Variants in CPSF7 observed in about 807,000 individuals in gnomAD.
The protein encoded by CPSF7 is cleavage and polyadenylation specific factor 7.
A neutral mutation model predicts 44.3 loss-of-function variants in CPSF7; 1 was observed. The observed-to-expected ratio is 0.02, with a 90% CI of 0.01 to 0.11. The LOEUF (loss-of-function observed/expected upper bound fraction) is 0.11, where lower values mean the gene tolerates loss of function less well. CPSF7 is among the 10% of genes least tolerant of loss of function. CPSF7 has a pLI of 1.00. For synonymous variants in CPSF7, 202 were observed against 222.0 expected, an observed-to-expected ratio of 0.91 and a Z score of 0.80; for missense variants, 443 against 607.2, an observed-to-expected ratio of 0.73 and a Z score of 2.84.
At position 61,403,830 on chromosome 11, in the gene CPSF7, T is replaced by A. The variant is rs1340972309; in HGVS notation, c.*880A>T. 6.6e-6 allele frequency: 1 copy of A among 152,562 alleles called. No homozygotes were observed. The highest frequency in any genetic ancestry group is 1.5e-5 in the Non-Finnish European group (1 of 68,028). 9.5% of individuals were successfully genotyped at this position (152,562 alleles called of 1,614,324 possible). A position where few individuals can be genotyped will look rare whatever the true frequency, so the allele number is the denominator to read the frequency against. ...TCCCCATCTCCCAATGGGCAGTACC[T>A]TCCTCTAAAACAAGGAAGTAGCCTT... is the stretch of plus-strand genomic sequence containing the variant. On this transcript the variant is annotated 3_prime_UTR_variant, in exon 10 of 10. Transcript: ENST00000439958.
At chr11:61,429,677 G>A (rs1861766017) in intron 1 of CPSF7, 2 of 1,462,014 alleles carry the variant, frequency 1.4e-6, no homozygotes, top group Non-Finnish European at 1.8e-6. Flanking sequence ...CAGGTGTCAA[G>A]CAGCTCCAGC....
intron 9 of CPSF7, 58 bp downstream of exon 9, chr11:61,410,880 T>C (rs1859787954): frequency 6.0e-6 from 9 of 1,494,752 alleles, no homozygotes; most frequent in African/African-American, 1.4e-5. Context: ...AATTCTTCAC[T>C]ATAAATCTTT....
At chr11:61,422,255 T>C (rs1391858177) in intron 2 of CPSF7, among the ~76,000 whole-genome samples, 1 of 151,508 alleles carries the variant, frequency 6.6e-6, no homozygotes, top group Non-Finnish European at 1.5e-5. Context: ...TTTCCCCTAC[T>C]AAGTTCTATT....
intron 2 of CPSF7, among the ~76,000 whole-genome samples, chr11:61,422,334 G>C (rs1170546489): frequency 6.7e-6 from 1 of 148,462 alleles, no homozygotes; most frequent in Non-Finnish European, 1.5e-5. Flanking sequence ...TTTTTTTTGA[G>C]ACAGGGTCTC....
intron 9 of CPSF7, among the ~76,000 whole-genome samples, chr11:61,406,630 G>A (rs1859345388): frequency 6.6e-6 from 1 of 152,138 alleles, no homozygotes; most frequent in South Asian, 2.1e-4. Context: ...ATCTTGTCAT[G>A]GGCCTACACA....
At position 61,416,334 on chromosome 11, in the gene CPSF7, G is replaced by A; in HGVS notation, c.709C>T (p.Pro237Ser). ...GLPPPPIPPP[P>S]PLSSSFGVPP... ...ACCCCAAAGCTTGAGGAGAGAGGTG[G>A]TGGGGGTGGAATTGGTGGTGGGGGC... Residue 237 changes from proline (P) to serine (S), a missense_variant, in exon 6 of 10, where the codon CCA (proline) becomes TCA (serine). Coordinates refer to ENST00000439958, the MANE Select transcript of CPSF7 (RefSeq NM_001142565.3). The A allele has an allele frequency of 6.3e-7, 1 of 1,579,948 alleles. No individual in the cohort carries two copies. Among genetic ancestry groups the A allele is most frequent in the Non-Finnish European group, 8.6e-7 (1 of 1,160,118 alleles).
intron 5 of CPSF7, 157 bp downstream of exon 5, chr11:61,419,792 C>A (rs1860694004): frequency 1.4e-5 from 12 of 843,542 alleles, no homozygotes; most frequent in Non-Finnish European, 2.3e-5. Context: ...CTGAGGACTA[C>A]TTGTCGACCA....
chr11:61,428,576 GGTTT>G (rs1565122511), intron 2 of CPSF7, among the ~76,000 whole-genome samples: 1 of 152,120 alleles, frequency 6.6e-6, no homozygotes, highest in Non-Finnish European at 1.5e-5. Context: ...TTTTCTAACT[GGTTT>G]GTCTAACGTC....
intron 2 of CPSF7, chr11:61,426,431 T>A (rs564275645): frequency 2.6e-5 from 4 of 152,312 alleles, no homozygotes; most frequent in African/African-American, 9.6e-5. Context: ...CACTCATCCC[T>A]CACCTTCCAC....
At position 61,411,066 on chromosome 11, in the gene CPSF7, G is replaced by A; in HGVS notation, c.1266C>T (p.Ser422=). Residue 422 remains serine (S), a synonymous_variant, in exon 9 of 10, where the codon TCC becomes TCT. Coordinates refer to ENST00000439958, the MANE Select transcript of CPSF7 (RefSeq NM_001142565.3). The part of the protein sequence containing the change: ...HRSRERSPSR[S]RESSRRHRDL... ...CCCGGTGCCTCCTGCTGCTCTCCCGGGACCGGCTAGGTGACCTTTCCCGGG... is the reference window on the plus strand; with the variant it reads ...CCCGGTGCCTCCTGCTGCTCTCCCGAGACCGGCTAGGTGACCTTTCCCGGG... 1 of 1,612,524 alleles carries A rather than the reference G, an allele frequency of 6.2e-7. No homozygotes were observed. Among genetic ancestry groups the A allele is most frequent in the Non-Finnish European group, 8.5e-7 (1 of 1,179,634 alleles).
chr11:61,409,495 C>T (rs897425835), intron 9 of CPSF7, among the ~76,000 whole-genome samples: 3 of 151,984 alleles, frequency 2.0e-5, no homozygotes, highest in Admixed American at 6.6e-5. Context: ...AAAAACACAA[C>T]AACAAAATAA....
intron 7 of CPSF7, among the ~76,000 whole-genome samples, chr11:61,413,315 G>A (rs1860015233): frequency 6.6e-6 from 1 of 152,016 alleles, no homozygotes; most frequent in South Asian, 2.1e-4. Context: ...CATAAAACAT[G>A]TATGCGTAGT....
chr11:61,423,588 C>G lies in CPSF7; in HGVS notation c.55-1980G>C, dbSNP rs1306268672. Among the ~76,000 whole-genome samples the G allele has an allele frequency of 6.6e-5, 10 of 152,282 alleles. No homozygotes were observed. The East Asian group carries it at 1.9e-3, about 29-fold the overall frequency. ...AAAATGACAGAGACAGCAAGTAGTT[C>G]AGTGTTTTAAGGATGCTACGGCAGT... On this transcript the variant is annotated intron_variant, in intron 2 of 9. Transcript: ENST00000439958.
intron 6 of CPSF7, 131 bp downstream of exon 6, chr11:61,415,974 G>T (rs976878492): frequency 3.1e-6 from 3 of 961,628 alleles, no homozygotes; most frequent in African/African-American, 3.3e-5. Context: ...CTTCCCAGGA[G>T]TCAATGCTAT....
At chr11:61,408,711 T>TA (rs951726338) in intron 9 of CPSF7, among the ~76,000 whole-genome samples, 9 of 152,194 alleles carry the variant, frequency 5.9e-5, no homozygotes, top group Non-Finnish European at 1.0e-4. Context: ...TCTGACTCCC[T>TA]ACCAATATGG....
chr11:61,417,387 T>C (rs565536231), intron 5 of CPSF7, among the ~76,000 whole-genome samples: 6 of 152,328 alleles, frequency 3.9e-5, no homozygotes, highest in African/African-American at 9.6e-5. Context: ...GATTCTGACA[T>C]TGTCAAGTCA....
Position 61,429,298 on chromosome 11 carries a change from A to T in CPSF7, c.-55-8T>A. ...AAAGTAAGGAAGATGCCACTGCGGG[A>T]TTCGGAAAAATGCAAGAATTAGAAG... is the stretch of plus-strand genomic sequence containing the variant. On this transcript the variant is annotated splice_region_variant and splice_polypyrimidine_tract_variant and intron_variant, in intron 1 of 9. Transcript: ENST00000439958. The T allele has an allele frequency of 6.4e-7, 1 of 1,561,420 alleles. No homozygotes were observed. The highest frequency in any genetic ancestry group is 2.2e-5 in the East Asian group (1 of 44,610).
At chr11:61,416,698 C>T (rs967248091) in intron 5 of CPSF7, among the ~76,000 whole-genome samples, 179 bp from the exon 6 acceptor site, 1 of 152,146 alleles carries the variant, frequency 6.6e-6, no homozygotes, top group African/African-American at 2.4e-5. Flanking sequence ...TCAGTGAAGA[C>T]ATTAAATCCA....
At chr11:61,417,732 G>C (rs3809083) in intron 5 of CPSF7, among the ~76,000 whole-genome samples, 102,583 of 152,160 alleles carry the variant, frequency 0.67, 41,132 homozygotes, top group East Asian at 0.97. Context: ...AAAGGTATAA[G>C]GCAAGTGTCA....
Sources: gnomAD v4.1 joint callset for allele counts (sites outside exome capture counted in the v4.1 genomes callset) on GRCh38, gnomAD v4.1.1 for gene constraint, MANE v1.5 for transcripts, NCBI Gene and HGNC (gene_info 2026-07-23, HGNC 2026-07-21) for gene names.